PTPRB: variants seen among roughly 807,000 people sequenced by gnomAD.
The protein encoded by PTPRB is protein tyrosine phosphatase receptor type B.
PTPRB carries 97 observed loss-of-function variants against 238.1 expected under a neutral mutation model. The observed-to-expected ratio is 0.41, with a 90% CI of 0.35 to 0.48. The LOEUF (loss-of-function observed/expected upper bound fraction) is 0.48. PTPRB is among the 20% of genes least tolerant of loss of function. The pLI is 0.30. For missense variants in PTPRB, 2,292 were observed against 2,681.9 expected (o/e 0.85, Z 3.21); for synonymous variants, 970 against 995.4 (o/e 0.97, Z 0.48).
chr12:70,538,777 A>G (rs1874572778), intron 27 of PTPRB, 147 bp downstream of exon 27: 2 of 660,912 alleles, frequency 3.0e-6, no homozygotes, highest in Non-Finnish European at 5.3e-6. Flanking sequence ...GCAGGAATAT[A>G]CAAGCTATTT....
At chr12:70,535,044 G>A in intron 29 of PTPRB, 89 bp from the exon 30 acceptor site, 1 of 1,439,220 alleles carries the variant, frequency 6.9e-7, no homozygotes, top group Non-Finnish European at 9.4e-7. Context: ...GTCTTCCAAA[G>A]TTAGGAATCT....
intron 18 of PTPRB, 129 bp from the exon 19 acceptor site, chr12:70,556,277 G>A: frequency 2.4e-6 from 2 of 847,518 alleles, no homozygotes; most frequent in Non-Finnish European, 3.6e-6. Flanking sequence ...AGAGTGTCGT[G>A]GCTCACCCTA....
At chr12:70,563,431 C>T (rs565226627) in intron 15 of PTPRB, among the ~76,000 whole-genome samples, 6 of 152,284 alleles carry the variant, frequency 3.9e-5, no homozygotes, top group East Asian at 3.9e-4. Context: ...GCCTTGATTT[C>T]GCCTGAGTTC....
chr12:70,631,548 GCA>G (rs1442387472), intron 2 of PTPRB, among the ~76,000 whole-genome samples: 4 of 152,120 alleles, frequency 2.6e-5, no homozygotes, highest in Non-Finnish European at 4.4e-5. Flanking sequence ...AACACCAAAA[GCA>G]ATGGCAACAA....
At chr12:70,604,227 C>G (rs563717776) in intron 4 of PTPRB, among the ~76,000 whole-genome samples, 7 of 152,008 alleles carry the variant, frequency 4.6e-5, no homozygotes, top group African/African-American at 1.7e-4. Flanking sequence ...GGTAACAGAG[C>G]AAGATCCTGT....
chr12:70,535,932 G>C lies in PTPRB; in HGVS notation c.6081+93C>G, dbSNP rs1488063608. Reference sequence around the variant, plus strand: ...AACAATGCTCTCACATGATCCCTACGTTGTTTTGCGGGGTTTCACTTTGAT... The same window carrying C: ...AACAATGCTCTCACATGATCCCTACCTTGTTTTGCGGGGTTTCACTTTGAT... On this transcript the variant is annotated intron_variant, in intron 29 of 33. Transcript: ENST00000334414. The C allele has an allele frequency of 1.4e-5, 21 of 1,494,280 alleles. No individual in the cohort carries two copies. The highest frequency in any genetic ancestry group is 1.8e-5 in the Non-Finnish European group (20 of 1,086,666). The allele number at this position is 1,494,280 out of a possible 1,614,324, so 92.6% of individuals were successfully genotyped here. A position where few individuals can be genotyped will look rare whatever the true frequency, so the allele number is the denominator to read the frequency against.
Position 70,539,814 on chromosome 12 carries a change from TTCTC to T in PTPRB, c.5696+9_5696+12del, listed in dbSNP as rs1565916411. The T allele has an allele frequency of 4.4e-6, 7 of 1,597,660 alleles. No individual in the cohort carries two copies. The highest frequency in any genetic ancestry group is 5.1e-6 in the Non-Finnish European group (6 of 1,165,052). Reference sequence around the variant, plus strand: ...GGCAGATAATATAGTAATTAATGTGTTCTCTCTCTTACCAAGAAGTTTTCCGGTT... The same window carrying T: ...GGCAGATAATATAGTAATTAATGTGTTCTCTTACCAAGAAGTTTTCCGGTT... On this transcript the variant is annotated intron_variant, in intron 25 of 33. Transcript: ENST00000334414.
In PTPRB at chr12:70,592,423, T is replaced by G; in HGVS notation, c.1639A>C (p.Thr547Pro). 6.2e-7 allele frequency: 1 copy of G among 1,613,966 alleles called. No individual in the cohort carries two copies. The highest frequency in any genetic ancestry group is 1.7e-5 in the Admixed American group (1 of 59,990). ...GCTAATACTCTGGATTCCTTGATGGTCCCTTTGTGAGACAGGGTGATATTG... is the reference window on the plus strand; with the variant it reads ...GCTAATACTCTGGATTCCTTGATGGGCCCTTTGTGAGACAGGGTGATATTG... ...SYNITLSHKG[T>P]IKESRVLAPW... is the part of the protein sequence containing the mutation. The change falls in exon 7 of 34, where the codon ACC (threonine) becomes CCC (proline). Residue 547 changes from threonine (T) to proline (P), a missense_variant. By Grantham distance (38) the Thr-to-Pro change is conservative. This residue lies in a region of PTPRB where 1,205 missense variants were observed against 1,287.8 expected (regional missense o/e 0.94). Transcript: ENST00000334414.
chr12:70,626,873 T>G (rs1457834599), intron 2 of PTPRB, among the ~76,000 whole-genome samples: 1 of 151,956 alleles, frequency 6.6e-6, no homozygotes, highest in East Asian at 1.9e-4. Flanking sequence ...AAAGAATAAT[T>G]AACATTTCAG....
chr12:70,605,489 C>A (rs1344847468), intron 4 of PTPRB, among the ~76,000 whole-genome samples: 1 of 152,148 alleles, frequency 6.6e-6, no homozygotes, highest in Non-Finnish European at 1.5e-5. Context: ...GTACTGAAAA[C>A]CTACTTCTTA....
At chr12:70,523,869 G>C (rs559927455) in intron 33 of PTPRB, among the ~76,000 whole-genome samples, 1 of 152,020 alleles carries the variant, frequency 6.6e-6, no homozygotes, top group Admixed American at 6.5e-5. Context: ...AGTCTGGAGT[G>C]CAGTGGTGGG....
At chr12:70,551,221 G>A (rs1592451496) in intron 21 of PTPRB, among the ~76,000 whole-genome samples, 1 of 152,268 alleles carries the variant, frequency 6.6e-6, no homozygotes, top group African/African-American at 2.4e-5. Context: ...TACAGGAACT[G>A]ATAAATCCTG....
chr12:70,533,082 C>A (rs1565906586), intron 31 of PTPRB, among the ~76,000 whole-genome samples: 1 of 152,124 alleles, frequency 6.6e-6, no homozygotes, highest in South Asian at 2.1e-4. Context: ...GGGGTCAACA[C>A]CTAGAAGCAG....
intron 4 of PTPRB, among the ~76,000 whole-genome samples, chr12:70,602,629 C>G (rs551781354): frequency 3.9e-5 from 6 of 152,232 alleles, no homozygotes; most frequent in African/African-American, 1.4e-4. Context: ...ATGAAATAAT[C>G]ACGACTTGGA....
Position 70,539,827 on chromosome 12 carries a change from C to A in PTPRB, c.5696G>T (p.Cys1899Phe). ...LGQKGNRKTS[C>F]PIKINQFEGH... ...GTAATTAATGTGTTCTCTCTCTTAC[C>A]AAGAAGTTTTCCGGTTACTGTGAAG... Residue 1899 changes from cysteine to phenylalanine, a missense_variant and splice_region_variant, in exon 25 of 34, where the codon TGT becomes TTT. Coordinates refer to ENST00000334414, the MANE Select transcript of PTPRB (RefSeq NM_001109754.4). The A allele has an allele frequency of 6.3e-7, 1 of 1,595,290 alleles. No homozygotes were observed. Among genetic ancestry groups the A allele is most frequent in the South Asian group, 1.1e-5 (1 of 90,674 alleles).
intron 32 of PTPRB, among the ~76,000 whole-genome samples, chr12:70,527,071 A>G (rs948912229): frequency 6.6e-6 from 1 of 152,186 alleles, no homozygotes; most frequent in Non-Finnish European, 1.5e-5. Flanking sequence ...ATTTTTTGTT[A>G]ACTGGTGAAG....
chr12:70,517,584 G>A lies in PTPRB; in HGVS notation c.*3905C>T, dbSNP rs964465161. On this transcript the variant is annotated 3_prime_UTR_variant, in exon 34 of 34. Coordinates refer to ENST00000334414, the MANE Select transcript of PTPRB (RefSeq NM_001109754.4). ...CTCACTGCAACTTGGAGGAGGATCAGTTATTCCTTATTGCCACTCTGTCTT... is the reference window on the plus strand; with the variant it reads ...CTCACTGCAACTTGGAGGAGGATCAATTATTCCTTATTGCCACTCTGTCTT... The A allele has an allele frequency of 6.6e-6, 1 of 152,180 alleles. No individual in the cohort carries two copies. The highest frequency in any genetic ancestry group is 1.5e-5 in the Non-Finnish European group (1 of 68,044). 9.4% of individuals were successfully genotyped at this position (152,180 alleles called of 1,614,324 possible). A position where few individuals can be genotyped will look rare whatever the true frequency, so the allele number is the denominator to read the frequency against.
chr12:70,564,008 C>T (rs1209783130), intron 15 of PTPRB, among the ~76,000 whole-genome samples: 1 of 152,166 alleles, frequency 6.6e-6, no homozygotes, highest in African/African-American at 2.4e-5. Flanking sequence ...ATCTGCATCC[C>T]CACCACTCAT....
At position 70,571,978 on chromosome 12, in the gene PTPRB, A is replaced by C; in HGVS notation, c.2952T>G (p.Ile984Met). 11 of 1,613,922 alleles carry C rather than the reference A, an allele frequency of 6.8e-6. No homozygotes were observed. Among genetic ancestry groups the C allele is most frequent in the Non-Finnish European group, 9.3e-6 (11 of 1,179,864 alleles). Residue 984 changes from isoleucine (I) to methionine (M), a missense_variant, in exon 12 of 34, where the codon ATT becomes ATG. This residue lies in a region of PTPRB where 1,205 missense variants were observed against 1,287.8 expected (regional missense o/e 0.94). Coordinates refer to ENST00000334414, the MANE Select transcript of PTPRB (RefSeq NM_001109754.4). Reference protein sequence around the residue: ...TGDFDHYEVTIKNKNNFIQTK... With the variant: ...TGDFDHYEVTMKNKNNFIQTK... ...TTTGAATGAAGTTGTTTTTGTTTTT[A>C]ATGGTGACTTCATAGTGATCAAAGT...
Sources: gnomAD v4.1 joint callset for allele counts (sites outside exome capture counted in the v4.1 genomes callset) on GRCh38, gnomAD v4.1.1 for gene constraint, gnomAD v4.1.1 regional missense constraint, MANE v1.5 for transcripts, NCBI Gene and HGNC (gene_info 2026-07-23, HGNC 2026-07-21) for gene names.